The following LUZP2 variants were observed in gnomAD, a reference collection of about 807,000 sequenced individuals.
The protein encoded by LUZP2 is leucine zipper protein 2.
A neutral mutation model predicts 51.6 loss-of-function variants in LUZP2; 52 were observed. That is an observed-to-expected ratio of 1.01 (90% CI 0.81 to 1.27). LUZP2 has a LOEUF of 1.27. Ranked by LOEUF, LUZP2 falls within the 50% of genes most tolerant of loss-of-function variation. LUZP2 has a pLI of 0.00. For missense variants in LUZP2, 436 were observed against 395.4 expected (o/e 1.10, Z -0.87); for synonymous variants, 154 against 137.3 (o/e 1.12, Z -0.85).
chr11:24,920,973 A>T (rs1376632494), intron 7 of LUZP2, among the ~76,000 whole-genome samples: 1 of 152,146 alleles, frequency 6.6e-6, no homozygotes, highest in Non-Finnish European at 1.5e-5. Flanking sequence ...TTTTAAAAAC[A>T]CATAAAAATA....
intron 7 of LUZP2, among the ~76,000 whole-genome samples, chr11:24,949,030 A>C (rs1399880337): frequency 6.6e-6 from 1 of 151,604 alleles, no homozygotes; most frequent in African/African-American, 2.4e-5. Context: ...AATTAAAACT[A>C]AAAGAAAAAC....
At chr11:25,056,693 C>G (rs1277517722) in intron 10 of LUZP2, among the ~76,000 whole-genome samples, 1 of 152,136 alleles carries the variant, frequency 6.6e-6, no homozygotes, top group Non-Finnish European at 1.5e-5. Context: ...ACTGCTTATG[C>G]TCAAGATCCA....
chr11:25,042,586 G>T (rs1251405494), intron 9 of LUZP2, among the ~76,000 whole-genome samples: 1 of 152,124 alleles, frequency 6.6e-6, no homozygotes, highest in Non-Finnish European at 1.5e-5. Flanking sequence ...CCACAAACTT[G>T]CTGACTTAAA....
intron 1 of LUZP2, among the ~76,000 whole-genome samples, chr11:24,605,421 A>C (rs558111594): frequency 5.5e-4 from 83 of 151,882 alleles, no homozygotes; most frequent in Non-Finnish European, 1.0e-3. Flanking sequence ...GAGCTCTTTA[A>C]AAACAAAACA....
intron 4 of LUZP2, among the ~76,000 whole-genome samples, chr11:24,756,074 T>G (rs564266049): frequency 6.6e-6 from 1 of 152,152 alleles, no homozygotes; most frequent in Non-Finnish European, 1.5e-5. Context: ...ACCCCCCTTA[T>G]GTTAACCCCA....
At chr11:24,549,572 T>C (rs1021112995) in intron 1 of LUZP2, among the ~76,000 whole-genome samples, 2 of 152,106 alleles carry the variant, frequency 1.3e-5, no homozygotes, top group African/African-American at 4.8e-5. Flanking sequence ...GCAATACTTT[T>C]ATACAAGCGG....
intron 9 of LUZP2, among the ~76,000 whole-genome samples, chr11:24,996,535 C>T (rs914129191): frequency 7.3e-5 from 11 of 151,408 alleles, no homozygotes; most frequent in African/African-American, 2.4e-4. Flanking sequence ...AGAATTCTCA[C>T]GTTACAATTA....
chr11:24,704,607 AAT>A (rs146367882), intron 1 of LUZP2, among the ~76,000 whole-genome samples: 324 of 147,638 alleles, frequency 2.2e-3, no homozygotes, highest in East Asian at 0.019. Context: ...TATATGCAAG[AAT>A]ATATATATAT....
At chr11:24,571,705 A>G (rs886119845) in intron 1 of LUZP2, among the ~76,000 whole-genome samples, 3 of 152,012 alleles carry the variant, frequency 2.0e-5, no homozygotes, top group African/African-American at 7.2e-5. Flanking sequence ...TTAGAAATGT[A>G]TTTGTTTTAA....
At chr11:24,641,972 T>C (rs534216318) in intron 1 of LUZP2, among the ~76,000 whole-genome samples, 4 of 151,834 alleles carry the variant, frequency 2.6e-5, no homozygotes, top group Non-Finnish European at 4.4e-5. Context: ...TGGCTCACTG[T>C]AACCTCCGCC....
intron 7 of LUZP2, among the ~76,000 whole-genome samples, chr11:24,959,891 C>A (rs1482780009): frequency 6.6e-6 from 1 of 152,148 alleles, no homozygotes; most frequent in Non-Finnish European, 1.5e-5. Flanking sequence ...GTGGGTTTGT[C>A]ATAGATAGCT....
chr11:24,774,516 TATATATGTAGAATATATATAAAGA>T (rs1565131523), intron 5 of LUZP2, among the ~76,000 whole-genome samples: 2 of 98,962 alleles, frequency 2.0e-5, no homozygotes, highest in African/African-American at 1.0e-4. Flanking sequence ...ATATATTCTA[TATATATGTAGAATATATATAAAGA>T]ATATATATAG....
chr11:24,951,721 G>T (rs993390049), intron 7 of LUZP2, among the ~76,000 whole-genome samples: 21 of 151,576 alleles, frequency 1.4e-4, no homozygotes, highest in African/African-American at 4.8e-4. Flanking sequence ...TGTACAATTT[G>T]GGAGGTAGTT....
At chr11:24,768,788 A>G (rs1372441677) in intron 5 of LUZP2, among the ~76,000 whole-genome samples, 1 of 152,270 alleles carries the variant, frequency 6.6e-6, no homozygotes, top group East Asian at 1.9e-4. Context: ...GAACTGTTAT[A>G]CACTAGGGGT....
At chr11:24,665,091 G>C (rs904571959) in intron 1 of LUZP2, among the ~76,000 whole-genome samples, 4 of 152,178 alleles carry the variant, frequency 2.6e-5, no homozygotes, top group African/African-American at 9.7e-5. Flanking sequence ...ACCCTGAAAA[G>C]CCACAGGGCA....
chr11:24,904,543 A>T (rs960150231), intron 5 of LUZP2, among the ~76,000 whole-genome samples: 1 of 152,062 alleles, frequency 6.6e-6, no homozygotes, highest in African/African-American at 2.4e-5. Flanking sequence ...TCAGCCTCCC[A>T]AAGTGCTGGG....
At chr11:24,769,786 C>CTCTTTTTTTTTTTTTTTT (rs764723270) in intron 5 of LUZP2, among the ~76,000 whole-genome samples, 1 of 146,958 alleles carries the variant, frequency 6.8e-6, no homozygotes, top group Non-Finnish European at 1.5e-5. Context: ...ACTAAATTCT[C>CTCTTTTTTTTTTTTTTTT]TTTTTTGTTT....
At chr11:24,933,261 T>C (rs144524662) in intron 7 of LUZP2, among the ~76,000 whole-genome samples, 93 of 152,252 alleles carry the variant, frequency 6.1e-4, no homozygotes, top group African/African-American at 2.1e-3. Flanking sequence ...TGGTAGTTTG[T>C]GGAGGAAATT....
chr11:24,587,437 C>T (rs7926882), intron 1 of LUZP2, among the ~76,000 whole-genome samples: 3 of 152,048 alleles, frequency 2.0e-5, no homozygotes, highest in Admixed American at 1.3e-4. Flanking sequence ...GAAGCCTGAG[C>T]GAGCATAAGC....
Sources: gnomAD v4.1 joint callset for allele counts (sites outside exome capture counted in the v4.1 genomes callset) on GRCh38, gnomAD v4.1.1 for gene constraint, MANE v1.5 for transcripts, NCBI Gene and HGNC (gene_info 2026-07-23, HGNC 2026-07-21) for gene names.